DPP6: variants seen among roughly 807,000 people sequenced by gnomAD.
The protein encoded by DPP6 is A-type potassium channel modulatory protein DPP6.
A neutral mutation model predicts 122.6 loss-of-function variants in DPP6; 69 were observed. The ratio of observed to expected loss-of-function variants is 0.56; its 90% CI spans 0.46 to 0.69. The LOEUF (loss-of-function observed/expected upper bound fraction) is 0.69, where lower values mean the gene tolerates loss of function less well. Ranked by LOEUF, DPP6 falls within the 30% of genes least tolerant of loss-of-function variation. The probability of loss-of-function intolerance (pLI) is 0.00; values close to 1 mark genes in which losing one functional copy is unlikely to be tolerated. For synonymous variants in DPP6, 418 were observed against 433.1 expected, an observed-to-expected ratio of 0.97 and a Z score of 0.43; for missense variants, 928 against 1,116.9, an observed-to-expected ratio of 0.83 and a Z score of 2.41.
At chr7:154,828,719 T>A (rs1045874399) in intron 16 of DPP6, among the ~76,000 whole-genome samples, 1 of 152,206 alleles carries the variant, frequency 6.6e-6, no homozygotes, top group Non-Finnish European at 1.5e-5. Flanking sequence ...CTAACCATGT[T>A]TCCCCTGGGC....
intron 7 of DPP6, among the ~76,000 whole-genome samples, chr7:154,690,762 G>C (rs1839888195): frequency 6.6e-6 from 1 of 152,128 alleles, no homozygotes; most frequent in South Asian, 2.1e-4. Flanking sequence ...ATTTGCAATA[G>C]GGAAAATGTT....
chr7:153,766,326 C>G, the DPP6 span, among the ~76,000 whole-genome samples: 1 of 152,160 alleles, frequency 6.6e-6, no homozygotes, highest in Admixed American at 6.5e-5. Context: ...TTTATCATCT[C>G]CAAACTTTAG....
At chr7:154,611,284 C>T (rs554317644) in intron 5 of DPP6, among the ~76,000 whole-genome samples, 347 of 152,170 alleles carry the variant, frequency 2.3e-3, no homozygotes, top group Non-Finnish European at 3.9e-3. Flanking sequence ...TTGTTACGTA[C>T]GAACACACAT....
intron 16 of DPP6, among the ~76,000 whole-genome samples, chr7:154,808,164 A>G (rs1411185527): frequency 6.6e-6 from 1 of 152,240 alleles, no homozygotes; most frequent in Non-Finnish European, 1.5e-5. Context: ...CAGAGTTTCA[A>G]TCCCCTAAGC....
chr7:154,600,431 T>A (rs1457503524), intron 5 of DPP6, among the ~76,000 whole-genome samples: 1 of 120,634 alleles, frequency 8.3e-6, no homozygotes, highest in Non-Finnish European at 1.9e-5. Flanking sequence ...GCCCGGCCCT[T>A]TTATGTAATC....
At chr7:154,344,829 A>G (rs1810258306) in intron 1 of DPP6, among the ~76,000 whole-genome samples, 1 of 152,174 alleles carries the variant, frequency 6.6e-6, no homozygotes, top group African/African-American at 2.4e-5. Context: ...CGGAGGTTGC[A>G]GTGAGCTGAG....
At chr7:154,037,460 T>G (rs2129056943) in intron 1 of DPP6, among the ~76,000 whole-genome samples, 1 of 147,838 alleles carries the variant, frequency 6.8e-6, no homozygotes, top group African/African-American at 2.5e-5. Context: ...TTTTAAAAAA[T>G]TACTGATGCT....
Position 154,628,660 on chromosome 7 carries a change from A to G in DPP6, c.628-9161A>G, listed in dbSNP as rs190548601. Among the ~76,000 whole-genome samples, 298 of 152,218 alleles carry G rather than the reference A, an allele frequency of 2.0e-3. 4 individuals are homozygous for G. The highest frequency in any genetic ancestry group is 6.8e-3 in the Middle Eastern group (2 of 294). On this transcript the variant is annotated intron_variant, in intron 5 of 25. Coordinates refer to ENST00000377770, the MANE Select transcript of DPP6 (RefSeq NM_130797.4). ...AGAGATGAGCTCGTTTATTTTAACTATCCAAAGAAGGATCTGGGTGGAAAA... is the reference window on the plus strand; with the variant it reads ...AGAGATGAGCTCGTTTATTTTAACTGTCCAAAGAAGGATCTGGGTGGAAAA...
chr7:154,072,625 G>A (rs1325874848), intron 1 of DPP6, among the ~76,000 whole-genome samples: 3 of 152,304 alleles, frequency 2.0e-5, no homozygotes, highest in Non-Finnish European at 2.9e-5. Flanking sequence ...CTGATATTAC[G>A]GGACGTCAAT....
chr7:154,336,140 CA>C (rs1809397044), intron 1 of DPP6, among the ~76,000 whole-genome samples: 1 of 152,116 alleles, frequency 6.6e-6, no homozygotes, highest in Admixed American at 6.5e-5. Flanking sequence ...GGACATCTTG[CA>C]GCCTCTGAAA....
intron 8 of DPP6, among the ~76,000 whole-genome samples, chr7:154,728,254 T>C (rs976447725): frequency 6.6e-5 from 10 of 152,206 alleles, no homozygotes; most frequent in African/African-American, 2.4e-4. Flanking sequence ...CATGTGTCTC[T>C]ACCCCACTCC....
At position 154,241,075 on chromosome 7, in the gene DPP6, A is replaced by G. The variant is rs1801562171; in HGVS notation, c.243+188012A>G. 1.3e-5 allele frequency among the ~76,000 whole-genome samples: 2 copies of G among 151,948 alleles called. No individual in the cohort carries two copies. The highest frequency in any genetic ancestry group is 2.9e-5 in the Non-Finnish European group (2 of 68,028). On this transcript the variant is annotated intron_variant, in intron 1 of 25. Coordinates refer to ENST00000377770, the MANE Select transcript of DPP6 (RefSeq NM_130797.4). This position sits in a 1 kb window ranked among gnomAD's most constrained non-coding sequence, Gnocchi z 9.0. Reference sequence around the variant, plus strand: ...GAATATTGTGAAGTTCCGTTGATAAATAAATTGATGAAAACCTTTTTTCTT... The same window carrying G: ...GAATATTGTGAAGTTCCGTTGATAAGTAAATTGATGAAAACCTTTTTTCTT...
intron 1 of DPP6, among the ~76,000 whole-genome samples, chr7:154,046,871 C>T (rs902202729): frequency 2.6e-5 from 4 of 152,160 alleles, no homozygotes; most frequent in African/African-American, 4.8e-5. Flanking sequence ...ACTATACCCC[C>T]TTCCTTTATT....
At chr7:154,852,108 T>G (rs1802436633) in intron 16 of DPP6, among the ~76,000 whole-genome samples, 1 of 152,202 alleles carries the variant, frequency 6.6e-6, no homozygotes, top group Admixed American at 6.5e-5. Context: ...GGGTGTCCAC[T>G]CTGGGGCCTC....
intron 5 of DPP6, among the ~76,000 whole-genome samples, chr7:154,620,928 A>C (rs559974520): frequency 9.2e-5 from 14 of 152,324 alleles, no homozygotes; most frequent in African/African-American, 3.4e-4. Flanking sequence ...CTTCAAATTA[A>C]TGCCATTTTA....
intron 1 of DPP6, among the ~76,000 whole-genome samples, chr7:154,267,622 A>G (rs1003176437): frequency 2.0e-5 from 3 of 151,044 alleles, no homozygotes; most frequent in African/African-American, 4.9e-5. Flanking sequence ...TCCCTTACAT[A>G]TACACACATA....
chr7:153,818,282 C>T, the DPP6 span, among the ~76,000 whole-genome samples: 422 of 152,126 alleles, frequency 2.8e-3, 2 homozygotes, highest in African/African-American at 9.2e-3. Flanking sequence ...CTGGAGACAG[C>T]GGCGGTGGCA....
intron 1 of DPP6, among the ~76,000 whole-genome samples, chr7:154,056,111 A>T (rs2129065027): frequency 6.6e-6 from 1 of 152,356 alleles, no homozygotes; most frequent in Non-Finnish European, 1.5e-5. Context: ...CATGGTCTAA[A>T]TGCACAAACT....
chr7:154,639,650 C>T (rs543183381), intron 6 of DPP6, among the ~76,000 whole-genome samples: 1 of 152,298 alleles, frequency 6.6e-6, no homozygotes, highest in African/African-American at 2.4e-5. Context: ...GCTAGCAAAG[C>T]TCAGGCCATG....
Sources: gnomAD v4.1 joint callset for allele counts (sites outside exome capture counted in the v4.1 genomes callset) on GRCh38, gnomAD v4.1.1 for gene constraint, Gnocchi (gnomAD v3.1) non-coding constraint, MANE v1.5 for transcripts, NCBI Gene and HGNC (gene_info 2026-07-23, HGNC 2026-07-21) for gene names.